The following SDHA variants were observed in gnomAD, a reference collection of about 807,000 sequenced individuals.
SDHA encodes the protein succinate dehydrogenase [ubiquinone] flavoprotein subunit, mitochondrial.
A neutral mutation model predicts 78.4 loss-of-function variants in SDHA; 48 were observed. The ratio of observed to expected loss-of-function variants is 0.61; its 90% CI spans 0.49 to 0.78. SDHA has a LOEUF of 0.78. Among genes scored for constraint, SDHA ranks in the 30% least tolerant of loss-of-function variants. The probability of loss-of-function intolerance (pLI) is 0.00; values close to 1 mark genes in which losing one functional copy is unlikely to be tolerated. For missense variants in SDHA, 680 were observed against 892.7 expected, an observed-to-expected ratio of 0.76 and a Z score of 3.04; for synonymous variants, 326 against 353.9, an observed-to-expected ratio of 0.92 and a Z score of 0.88.
At chr5:253,587 C>T (rs917371111) in intron 13 of SDHA, among the ~76,000 whole-genome samples, 2 of 92,552 alleles carry the variant, frequency 2.2e-5, no homozygotes, top group African/African-American at 2.1e-4. Flanking sequence ...TACAGACACA[C>T]TGCCACCATG....
At chr5:244,244 A>T (rs1412537866) in intron 11 of SDHA, among the ~76,000 whole-genome samples, 1 of 151,350 alleles carries the variant, frequency 6.6e-6, no homozygotes, top group African/African-American at 2.4e-5. Context: ...CTGCTTGGGG[A>T]ACCCCCACCA....
chr5:224,255 C>T (rs1734877398), intron 2 of SDHA, 105 bp from the exon 3 acceptor site: 4 of 1,234,188 alleles, frequency 3.2e-6, no homozygotes, highest in Admixed American at 3.4e-5. Flanking sequence ...CCTGTGTGCC[C>T]AGCAGTTGCT....
chr5:236,595 G>A lies in SDHA; in HGVS notation c.1428G>A (p.Arg476=), dbSNP rs377415114. ...CCCTGAGCATCGAAGAGTCATGCAG[G>A]CCTGGTAAGTGTTTTCTTCAGGAGC... The part of the protein sequence containing the change: ...ACALSIEESC[R]PGDKVPPIKP... The change falls in exon 10 of 15, where the codon AGG becomes AGA. Residue 476 remains arginine, a synonymous_variant. Transcript: ENST00000264932. 1.2e-5 allele frequency: 20 copies of A among 1,613,792 alleles called. No homozygotes were observed. The highest frequency in any genetic ancestry group is 4.0e-5 in the African/African-American group (3 of 74,918).
At position 251,330 on chromosome 5, in the gene SDHA, G is replaced by A. The variant is rs199790689; in HGVS notation, c.1664-8G>A. The A allele has an allele frequency of 2.7e-3, 4,303 of 1,611,982 alleles. 115 individuals carry two copies. In the African/African-American group the frequency reaches 0.05, roughly 19 times the overall value. ...GCCTGCCCCTGATGGAACTTTTTGT[G>A]TCCCCAGGAATGGTCTGGAACACGG... is the stretch of plus-strand genomic sequence containing the variant. On this transcript the variant is annotated splice_region_variant and splice_polypyrimidine_tract_variant and intron_variant, in intron 12 of 14. Transcript: ENST00000264932.
intron 9 of SDHA, chr5:235,757 G>A (rs530388919): frequency 1.8e-5 from 6 of 335,820 alleles, no homozygotes; most frequent in African/African-American, 1.1e-4. Flanking sequence ...GGTGAACGGG[G>A]TAGAACAGTC....
In SDHA at chr5:225,268, C is replaced by T. The variant is rs1431257561; in HGVS notation, c.313-151C>T. ...GGTTGTGATCTGGAATCTGTCGGGTCTCGCTGCTCCTCTGCTGAGGTCAGC... is the reference window on the plus strand; with the variant it reads ...GGTTGTGATCTGGAATCTGTCGGGTTTCGCTGCTCCTCTGCTGAGGTCAGC... On this transcript the variant is annotated intron_variant, in intron 3 of 14. Transcript: ENST00000264932. 7.5e-6 allele frequency: 7 copies of T among 936,732 alleles called. No homozygotes were observed. The African/African-American group carries it at 1.1e-4, about 15-fold the overall frequency. 58.0% of individuals were successfully genotyped at this position (936,732 alleles called of 1,614,324 possible).
In SDHA at chr5:251,025, G is replaced by C. The variant is rs370291114; in HGVS notation, c.1585G>C (p.Gly529Arg). Residue 529 changes from glycine to arginine, a missense_variant, in exon 12 of 15, where the codon GGA becomes CGA. Physicochemically the swap from Gly to Arg is moderately radical, Grantham distance 125. Transcript: ENST00000264932. Reference protein sequence around the residue: ...MQNHAAVFRVGSVLQEGCGKI... With the variant: ...MQNHAAVFRVRSVLQEGCGKI... ...AAATCATGCTGCCGTGTTCCGTGTG[G>C]GAAGCGTGTTGCAAGAAGGTTGTGG... 12 of 1,612,026 alleles carry C rather than the reference G, an allele frequency of 7.4e-6. No individual in the cohort carries two copies. The African/African-American group carries it at 1.3e-4, about 18-fold the overall frequency.
At chr5:241,010 A>G (rs1350108198) in intron 11 of SDHA, among the ~76,000 whole-genome samples, 2 of 152,086 alleles carry the variant, frequency 1.3e-5, no homozygotes, top group Non-Finnish European at 2.9e-5. Context: ...ATCTGGAGGT[A>G]AACAGCGGTA....
chr5:248,320 C>T (rs1405581098), intron 11 of SDHA, among the ~76,000 whole-genome samples: 1 of 152,162 alleles, frequency 6.6e-6, no homozygotes, highest in Non-Finnish European at 1.5e-5. Context: ...CCGTCGAACA[C>T]AGCCACCCAC....
intron 11 of SDHA, among the ~76,000 whole-genome samples, chr5:246,604 C>G (rs553931630): frequency 6.6e-6 from 1 of 152,070 alleles, no homozygotes; most frequent in South Asian, 2.1e-4. Context: ...TCCACATTCA[C>G]CTACTGGTGT....
intron 13 of SDHA, among the ~76,000 whole-genome samples, chr5:252,756 CATACCTGCCCTGTGGAGG>C: frequency 7.1e-6 from 1 of 139,962 alleles, no homozygotes; most frequent in Admixed American, 7.1e-5. Flanking sequence ...GTCACCGTTT[CATACCTGCCCTGTGGAGG>C]AAATGCCAGT....
At position 223,422 on chromosome 5, in the gene SDHA, C is replaced by T. The variant is rs1348965725; in HGVS notation, c.64-60C>T. Reference sequence around the variant, plus strand: ...GTTTGCAAGGGGAAATTACTATCCCCCACAGCATTTGTTCCTTCAGGACAC... The same window carrying T: ...GTTTGCAAGGGGAAATTACTATCCCTCACAGCATTTGTTCCTTCAGGACAC... On this transcript the variant is annotated intron_variant, in intron 1 of 14. Transcript: ENST00000264932. 3.9e-5 allele frequency: 47 copies of T among 1,191,878 alleles called. 1 individual carries two copies. The Middle Eastern group carries it at 5.7e-4, about 14-fold the overall frequency. 73.8% of individuals were successfully genotyped at this position (1,191,878 alleles called of 1,614,324 possible). A position where few individuals can be genotyped will look rare whatever the true frequency, so the allele number is the denominator to read the frequency against.
chr5:235,091 G>A, intron 8 of SDHA, 53 bp from the exon 9 acceptor site: 4 of 1,549,476 alleles, frequency 2.6e-6, no homozygotes, highest in Non-Finnish European at 3.6e-6. Context: ...GTATTCTCAG[G>A]TCTCCTGCCG....
intron 1 of SDHA, among the ~76,000 whole-genome samples, chr5:219,697 A>T (rs2126528040): frequency 6.6e-6 from 1 of 152,240 alleles, no homozygotes; most frequent in East Asian, 1.9e-4. Context: ...AGCAGGAAGG[A>T]AAGCCCATGG....
In SDHA at chr5:236,517, C is replaced by T. The variant is rs533902090; in HGVS notation, c.1350C>T (p.Asn450=). 8.7e-6 allele frequency: 14 copies of T among 1,614,046 alleles called. No homozygotes were observed. In the Admixed American group the frequency reaches 1.8e-4, roughly 21 times the overall value. The change falls in exon 10 of 15, where the codon AAC becomes AAT. Residue 450 remains asparagine (N), a synonymous_variant. Coordinates refer to ENST00000264932, the MANE Select transcript of SDHA (RefSeq NM_004168.4). ...EAACASVHGA[N]RLGANSLLDL... is the part of the protein sequence containing the mutation. ...CCTGTGCCTCGGTACATGGTGCCAACCGCCTCGGGGCAAACTCGCTCTTGG... is the reference window on the plus strand; with the variant it reads ...CCTGTGCCTCGGTACATGGTGCCAATCGCCTCGGGGCAAACTCGCTCTTGG...
Position 228,253 on chromosome 5 carries a change from G to A in SDHA, c.690G>A (p.Glu230=), listed in dbSNP as rs2126558637. 1.2e-6 allele frequency: 2 copies of A among 1,613,794 alleles called. No individual in the cohort carries two copies. The highest frequency in any genetic ancestry group is 1.1e-5 in the South Asian group (1 of 91,064). Residue 230 remains glutamate, a synonymous_variant, in exon 6 of 15, where the codon GAG becomes GAA. Coordinates refer to ENST00000264932, the MANE Select transcript of SDHA (RefSeq NM_004168.4). ...FALDLLMENG[E]CRGVIALCIE... ...TGGATCTCCTGATGGAGAATGGGGA[G>A]TGCCGTGGTGTCATCGCACTGTGCA... is the stretch of plus-strand genomic sequence containing the variant.
intron 13 of SDHA, among the ~76,000 whole-genome samples, chr5:252,477 C>T (rs1391195453): frequency 6.8e-6 from 1 of 147,786 alleles, no homozygotes; most frequent in Non-Finnish European, 1.5e-5. Context: ...GAGTAAGCCA[C>T]CATTTCAAAC....
intron 11 of SDHA, among the ~76,000 whole-genome samples, chr5:242,227 C>G (rs1736189295): frequency 6.6e-6 from 1 of 152,180 alleles, no homozygotes; most frequent in African/African-American, 2.4e-5. Context: ...TGGCCCAAAA[C>G]TGACCATAAA....
At chr5:265,589 A>G in the SDHA span, among the ~76,000 whole-genome samples, 36,644 of 152,090 alleles carry the variant, frequency 0.24, 6,885 homozygotes, top group African/African-American at 0.53. Flanking sequence ...ATTCCTGCAA[A>G]TAAGTGAGTA....
Sources: allele counts gnomAD v4.1 joint callset (sites outside exome capture counted in the v4.1 genomes callset), GRCh38; gene constraint gnomAD v4.1.1; transcripts MANE v1.5; gene names NCBI Gene and HGNC (gene_info 2026-07-23, HGNC 2026-07-21).